BBS9: variants seen among roughly 807,000 people sequenced by gnomAD.
BBS9 encodes the protein Bardet-Biedl syndrome 9.
A neutral mutation model predicts 117.7 loss-of-function variants in BBS9; 89 were observed. The ratio of observed to expected loss-of-function variants is 0.76; its 90% CI spans 0.64 to 0.90. The LOEUF is 0.90. Among genes scored for constraint, BBS9 ranks in the 40% least tolerant of loss-of-function variants. The pLI is 0.00. For missense variants in BBS9, 982 were observed against 1,042.2 expected, an observed-to-expected ratio of 0.94 and a Z score of 0.80; for synonymous variants, 379 against 370.9, an observed-to-expected ratio of 1.02 and a Z score of -0.25.
intron 17 of BBS9, among the ~76,000 whole-genome samples, chr7:33,376,606 A>G (rs942453564): frequency 6.6e-6 from 1 of 152,146 alleles, no homozygotes; most frequent in Non-Finnish European, 1.5e-5. Flanking sequence ...TAGTTTTTTG[A>G]GGAATTGCCA....
intron 20 of BBS9, among the ~76,000 whole-genome samples, chr7:33,510,955 C>T (rs1056865730): frequency 1.3e-5 from 2 of 152,138 alleles, no homozygotes; most frequent in Non-Finnish European, 2.9e-5. Flanking sequence ...TTGTGATATC[C>T]TAGGTTCAGC....
chr7:33,445,172 C>T (rs943301373), intron 19 of BBS9, among the ~76,000 whole-genome samples: 2 of 152,184 alleles, frequency 1.3e-5, no homozygotes, highest in Non-Finnish European at 2.9e-5. Flanking sequence ...TAAGGACCTA[C>T]ATCCTGTAGG....
At chr7:33,243,674 T>C (rs1259815070) in intron 5 of BBS9, among the ~76,000 whole-genome samples, 2 of 152,312 alleles carry the variant, frequency 1.3e-5, no homozygotes, top group East Asian at 3.9e-4. Flanking sequence ...CTGAGTTCTT[T>C]ATAATAGTTG....
intron 9 of BBS9, among the ~76,000 whole-genome samples, chr7:33,328,293 A>G (rs1813259094): frequency 6.6e-6 from 1 of 152,134 alleles, no homozygotes; most frequent in Non-Finnish European, 1.5e-5. Context: ...ACTACATTGG[A>G]TTGCAATTGC....
At chr7:33,394,521 C>G (rs759865398) in intron 19 of BBS9, among the ~76,000 whole-genome samples, 7 of 152,114 alleles carry the variant, frequency 4.6e-5, no homozygotes, top group Non-Finnish European at 8.8e-5. Flanking sequence ...ACCTATGTAA[C>G]AAACCTGCAC....
chr7:33,300,192 C>G (rs1455917025), intron 9 of BBS9, among the ~76,000 whole-genome samples: 1 of 152,114 alleles, frequency 6.6e-6, no homozygotes, highest in Non-Finnish European at 1.5e-5. Flanking sequence ...GGAGACTCAG[C>G]AGGGAGGGAG....
chr7:33,199,368 T>A (rs1480735567), intron 5 of BBS9, among the ~76,000 whole-genome samples: 2 of 151,910 alleles, frequency 1.3e-5, no homozygotes, highest in Admixed American at 6.6e-5. Flanking sequence ...ACCTCTAATA[T>A]GCCTGAAACA....
At chr7:33,577,060 A>C (rs774565912) in intron 21 of BBS9, among the ~76,000 whole-genome samples, 43 of 152,336 alleles carry the variant, frequency 2.8e-4, no homozygotes, top group Non-Finnish European at 5.1e-4. Context: ...AATGGGATCT[A>C]ATTAAACTGA....
intron 19 of BBS9, among the ~76,000 whole-genome samples, chr7:33,395,713 A>G (rs1827844673): frequency 6.6e-6 from 1 of 151,928 alleles, no homozygotes; most frequent in Non-Finnish European, 1.5e-5. Context: ...ACTTCCTTCC[A>G]CTCTGTTTAT....
intron 5 of BBS9, among the ~76,000 whole-genome samples, chr7:33,233,072 T>A (rs1015684593): frequency 6.6e-6 from 1 of 152,144 alleles, no homozygotes; most frequent in Non-Finnish European, 1.5e-5. Context: ...TTTCTCAGAA[T>A]GATGCATGCT....
At chr7:33,622,841 T>TTTCAAATATTTCA (rs1865474233) in intron 21 of BBS9, among the ~76,000 whole-genome samples, 1 of 152,208 alleles carries the variant, frequency 6.6e-6, no homozygotes, top group Non-Finnish European at 1.5e-5. Flanking sequence ...TTTCAATAAG[T>TTTCAAATATTTCA]GTTGCTGAAG....
chr7:33,361,811 A>G (rs1046680823), intron 16 of BBS9, among the ~76,000 whole-genome samples: 1 of 151,888 alleles, frequency 6.6e-6, no homozygotes, highest in Non-Finnish European at 1.5e-5. Context: ...ATACTTACTT[A>G]TTTTTTCTGG....
chr7:33,157,312 A>G (rs1384792061), intron 4 of BBS9, among the ~76,000 whole-genome samples: 1 of 152,196 alleles, frequency 6.6e-6, no homozygotes, highest in Non-Finnish European at 1.5e-5. Context: ...GCATATTGAT[A>G]TCCTTCAAGT....
At chr7:33,532,143 C>T (rs1036577498) in intron 20 of BBS9, among the ~76,000 whole-genome samples, 1 of 152,234 alleles carries the variant, frequency 6.6e-6, no homozygotes, top group Non-Finnish European at 1.5e-5. Context: ...CACCCATCAA[C>T]CCTTGGATGG....
chr7:33,287,181 A>G (rs893066692), intron 9 of BBS9, among the ~76,000 whole-genome samples: 11 of 152,212 alleles, frequency 7.2e-5, no homozygotes, highest in African/African-American at 2.7e-4. Context: ...ATTAGAATCA[A>G]AAGGAAATGC....
chr7:33,352,973 T>G lies in BBS9; in HGVS notation c.1552+100T>G, dbSNP rs1304713998. 11 of 1,238,738 alleles carry G rather than the reference T, an allele frequency of 8.9e-6. No individual in the cohort carries two copies. The East Asian group carries it at 2.7e-4, about 30-fold the overall frequency. The allele number at this position is 1,238,738 out of a possible 1,614,324, so 76.7% of individuals were successfully genotyped here. A position where few individuals can be genotyped will look rare whatever the true frequency, so the allele number is the denominator to read the frequency against. On this transcript the variant is annotated intron_variant, in intron 15 of 22. Coordinates refer to ENST00000242067, the MANE Select transcript of BBS9 (RefSeq NM_198428.3). ...TGAATGAACTCTTTTTATGGACTGCTCTTTTAACTAGAAGAAGTTCTTTAG... is the reference window on the plus strand; with the variant it reads ...TGAATGAACTCTTTTTATGGACTGCGCTTTTAACTAGAAGAAGTTCTTTAG...
intron 5 of BBS9, among the ~76,000 whole-genome samples, chr7:33,198,220 C>A (rs1785246849): frequency 6.6e-6 from 1 of 151,838 alleles, no homozygotes; most frequent in South Asian, 2.1e-4. Flanking sequence ...GAGATGTAAT[C>A]CTAAATTTAA....
intron 19 of BBS9, among the ~76,000 whole-genome samples, chr7:33,479,973 T>C (rs1015191791): frequency 7.9e-5 from 12 of 152,228 alleles, no homozygotes; most frequent in African/African-American, 2.9e-4. Flanking sequence ...TAGACCTTTG[T>C]TGGATGCATA....
intron 19 of BBS9, among the ~76,000 whole-genome samples, chr7:33,419,396 G>A (rs1832522077): frequency 6.6e-6 from 1 of 152,090 alleles, no homozygotes; most frequent in Admixed American, 6.5e-5. Context: ...AAGGCCAAAT[G>A]ATTGATTAAG....
Sources: gnomAD v4.1 joint callset for allele counts (sites outside exome capture counted in the v4.1 genomes callset) on GRCh38, gnomAD v4.1.1 for gene constraint, MANE v1.5 for transcripts, NCBI Gene and HGNC (gene_info 2026-07-23, HGNC 2026-07-21) for gene names.